Variants in ST7 observed in about 807,000 individuals in gnomAD.
ST7 encodes the protein suppressor of tumorigenicity 7 protein.
ST7 carries 28 observed loss-of-function variants against 78.7 expected under a neutral mutation model. The ratio of observed to expected loss-of-function variants is 0.36; its 90% CI spans 0.26 to 0.49. The LOEUF is 0.49. Among genes scored for constraint, ST7 ranks in the 20% least tolerant of loss-of-function variants. The pLI is 0.99. For synonymous variants in ST7, 247 were observed against 249.6 expected, an observed-to-expected ratio of 0.99 and a Z score of 0.10; for missense variants, 418 against 696.0, an observed-to-expected ratio of 0.60 and a Z score of 4.49.
At chr7:116,998,830 A>G (rs1414574704) in intron 1 of ST7, among the ~76,000 whole-genome samples, 4 of 152,206 alleles carry the variant, frequency 2.6e-5, no homozygotes, top group African/African-American at 9.6e-5. Context: ...ATGGGCATAT[A>G]TTGAACTTAA....
intron 1 of ST7, among the ~76,000 whole-genome samples, chr7:117,065,721 A>C (rs1015437721): frequency 1.3e-5 from 2 of 152,202 alleles, no homozygotes; most frequent in Non-Finnish European, 2.9e-5. Context: ...TTCTGACTGT[A>C]CTATGCTCCT....
At chr7:117,070,852 A>G (rs1373741109) in intron 1 of ST7, among the ~76,000 whole-genome samples, 2 of 152,054 alleles carry the variant, frequency 1.3e-5, no homozygotes, top group African/African-American at 2.4e-5. Context: ...CAATGTGAGC[A>G]TGTTTAACAG....
Position 117,190,767 on chromosome 7 carries a change from A to T in ST7, c.1152-67A>T. 1 of 1,304,566 alleles carries T rather than the reference A, an allele frequency of 7.7e-7. No homozygotes were observed. The highest frequency in any genetic ancestry group is 1.1e-6 in the Non-Finnish European group (1 of 903,692). The allele number at this position is 1,304,566 out of a possible 1,614,324, so 80.8% of individuals were successfully genotyped here. ...GTGGTTTTATGGGCCCTAGATGTGT[A>T]GATGCTTCCGGGTTGATGCCCAAGC... On this transcript the variant is annotated intron_variant, in intron 11 of 15. Coordinates refer to ENST00000323984, the MANE Select transcript of ST7 (RefSeq NM_001369598.1). This position sits in a 1 kb window ranked among gnomAD's most constrained non-coding sequence, Gnocchi z 5.2.
intron 10 of ST7, among the ~76,000 whole-genome samples, chr7:117,179,577 A>G (rs1436426799): frequency 6.6e-6 from 1 of 152,138 alleles, no homozygotes; most frequent in Non-Finnish European, 1.5e-5. Context: ...AGGAAAGCAT[A>G]TGGAAATGTG....
intron 15 of ST7, chr7:117,223,072 C>T (rs959234306): frequency 2.9e-5 from 25 of 870,906 alleles, no homozygotes; most frequent in South Asian, 8.5e-5. Flanking sequence ...GCCGGAAACT[C>T]GGCAGCCCTT....
intron 1 of ST7, among the ~76,000 whole-genome samples, chr7:117,024,802 T>C (rs1410521555): frequency 3.3e-5 from 5 of 152,118 alleles, no homozygotes; most frequent in African/African-American, 1.2e-4. Flanking sequence ...TGCCATTCCC[T>C]GGATAGCTAC....
intron 3 of ST7, among the ~76,000 whole-genome samples, chr7:117,125,867 A>T (rs546729671): frequency 2.0e-5 from 3 of 152,164 alleles, no homozygotes; most frequent in Admixed American, 1.3e-4. Flanking sequence ...CCAAAATATG[A>T]TGTTGCAGGG....
intron 9 of ST7, among the ~76,000 whole-genome samples, chr7:117,139,403 T>C (rs1183560720): frequency 6.6e-6 from 1 of 152,202 alleles, no homozygotes; most frequent in Admixed American, 6.5e-5. Flanking sequence ...AGTGGCATCT[T>C]GCTCAATTCT....
chr7:117,164,995 T>A (rs759759432), intron 9 of ST7, among the ~76,000 whole-genome samples: 2 of 152,160 alleles, frequency 1.3e-5, no homozygotes, highest in African/African-American at 4.8e-5. Flanking sequence ...TGGGGTGATT[T>A]TGACAGGCTG....
At chr7:117,143,561 A>G (rs1472558400) in intron 9 of ST7, among the ~76,000 whole-genome samples, 3 of 152,156 alleles carry the variant, frequency 2.0e-5, no homozygotes, top group Non-Finnish European at 4.4e-5. Context: ...ACTGTGTCCT[A>G]GGCATTGTTC....
chr7:117,097,900 ATATATATATTTT>A lies in ST7; in HGVS notation c.152-1860_152-1849del, dbSNP rs1169930397. Among the ~76,000 whole-genome samples the A allele has an allele frequency of 6.0e-4, 17 of 28,156 alleles. 1 individual carries two copies. The highest frequency in any genetic ancestry group is 8.6e-4 in the Non-Finnish European group (13 of 15,114). 18.5% of individuals were successfully genotyped at this position (28,156 alleles called of 152,430 possible). On this transcript the variant is annotated intron_variant, in intron 1 of 15. Transcript: ENST00000323984. ...TATCACTATATATATATATATATAT[ATATATATATTTT>A]TTTTTTTTTTTTTTTTGATGGCCAG...
At chr7:117,147,656 A>G (rs1194613641) in intron 9 of ST7, among the ~76,000 whole-genome samples, 1 of 152,020 alleles carries the variant, frequency 6.6e-6, no homozygotes, top group Non-Finnish European at 1.5e-5. Flanking sequence ...TTTAAAAACA[A>G]TTAGGTTTAG....
At chr7:117,165,678 TG>T (rs1346767611) in intron 9 of ST7, among the ~76,000 whole-genome samples, 4 of 152,080 alleles carry the variant, frequency 2.6e-5, no homozygotes, top group Non-Finnish European at 2.9e-5. Context: ...ATGGAGAAGA[TG>T]GACAAGTAGA....
intron 3 of ST7, among the ~76,000 whole-genome samples, chr7:117,126,584 T>A (rs1333601611): frequency 6.6e-6 from 1 of 151,876 alleles, no homozygotes; most frequent in African/African-American, 2.4e-5. Flanking sequence ...GATTAATGCA[T>A]AATTACCCAC....
At chr7:117,169,741 C>A (rs1032439288) in intron 9 of ST7, among the ~76,000 whole-genome samples, 1 of 151,704 alleles carries the variant, frequency 6.6e-6, no homozygotes, top group Non-Finnish European at 1.5e-5. Context: ...ACAACCATGG[C>A]AGTTATAACC....
rs1304549749 is a variant in ST7 at position 117,097,900 on chromosome 7, A to T, written c.152-1862A>T. 1.4e-3 allele frequency among the ~76,000 whole-genome samples: 39 copies of T among 28,134 alleles called. 2 individuals carry two copies. The South Asian group carries it at 0.032, about 23-fold the overall frequency. The allele number at this position is 28,134 out of a possible 152,430, so 18.5% of individuals were successfully genotyped here. ...TATCACTATATATATATATATATAT[A>T]TATATATATTTTTTTTTTTTTTTTT... On this transcript the variant is annotated intron_variant, in intron 1 of 15. Coordinates refer to ENST00000323984, the MANE Select transcript of ST7 (RefSeq NM_001369598.1).
At chr7:117,227,724 T>C (rs1464639499) in intron 15 of ST7, among the ~76,000 whole-genome samples, 1 of 152,214 alleles carries the variant, frequency 6.6e-6, no homozygotes, top group East Asian at 1.9e-4. Context: ...AGGCCCATTG[T>C]CTCCCATGAT....
intron 1 of ST7, chr7:116,967,584 A>C: frequency 2.8e-6 from 1 of 351,254 alleles, no homozygotes. Context: ...CCCTTACCAC[A>C]TTCTAGCAAA....
intron 1 of ST7, among the ~76,000 whole-genome samples, chr7:116,978,647 A>G (rs1220379421): frequency 6.6e-6 from 1 of 152,154 alleles, no homozygotes; most frequent in African/African-American, 2.4e-5. Context: ...GTGCAGTGGC[A>G]TAATCTTGGC....
Sources: gnomAD v4.1 joint callset for allele counts (sites outside exome capture counted in the v4.1 genomes callset) on GRCh38, gnomAD v4.1.1 for gene constraint, Gnocchi (gnomAD v3.1) non-coding constraint, MANE v1.5 for transcripts, NCBI Gene and HGNC (gene_info 2026-07-23, HGNC 2026-07-21) for gene names.